The following AP3M1 variants were observed in gnomAD, a reference collection of about 807,000 sequenced individuals.
AP3M1 encodes adaptor related protein complex 3 subunit mu 1.
AP3M1 carries 29 observed loss-of-function variants against 42.6 expected under a neutral mutation model. The observed-to-expected ratio is 0.68, with a 90% CI of 0.51 to 0.93. The LOEUF is 0.93. Among genes scored for constraint, AP3M1 ranks in the 40% least tolerant of loss-of-function variants. The pLI is 0.00. For missense variants in AP3M1, 416 were observed against 510.2 expected (o/e 0.82, Z 1.78); for synonymous variants, 178 against 175.3 (o/e 1.02, Z -0.12).
chr10:74,124,399 GA>G lies in AP3M1; in HGVS notation c.1136del (p.Ile379ThrfsTer9), dbSNP rs1564541785. ...ENPSLNIQFK[I>X]QQLAISGLKV... ...CCTTACCTGAAATAGCAAGCTGCTGGATCTTAAACTGTATGTTGAGGCTCGG... is the reference window on the plus strand; with the variant it reads ...CCTTACCTGAAATAGCAAGCTGCTGGTCTTAAACTGTATGTTGAGGCTCGG... On this transcript the variant is annotated frameshift_variant, in exon 8 of 9. Transcript: ENST00000355264. LOFTEE classifies it high-confidence loss of function. 12 of 1,609,118 alleles carry G rather than the reference GA, an allele frequency of 7.5e-6. No individual in the cohort carries two copies. The highest frequency in any genetic ancestry group is 8.5e-6 in the Non-Finnish European group (10 of 1,178,760).
intron 3 of AP3M1, among the ~76,000 whole-genome samples, chr10:74,134,574 A>G (rs535082606): frequency 6.6e-6 from 1 of 152,362 alleles, no homozygotes; most frequent in South Asian, 2.1e-4. Context: ...TTTATTTTAC[A>G]TGAGATGCTG....
intron 4 of AP3M1, among the ~76,000 whole-genome samples, chr10:74,130,972 C>A (rs1286064053): frequency 6.6e-6 from 1 of 151,612 alleles, no homozygotes; most frequent in Non-Finnish European, 1.5e-5. Context: ...ATTAGCCAGG[C>A]GTGGTGGTGT....
At chr10:74,126,411 G>A in intron 6 of AP3M1, 56 bp from the exon 7 acceptor site, 1 of 1,404,822 alleles carries the variant, frequency 7.1e-7, no homozygotes, top group Admixed American at 1.8e-5. Flanking sequence ...ATGGTGTGGG[G>A]AGAGCTCCAG....
intron 1 of AP3M1, among the ~76,000 whole-genome samples, chr10:74,149,841 A>G (rs1841488329): frequency 1.3e-5 from 2 of 152,120 alleles, no homozygotes; most frequent in African/African-American, 4.8e-5. Context: ...GCCACTCTCA[A>G]TAATCTTGCT....
chr10:74,146,386 T>C (rs1338289368), intron 1 of AP3M1, among the ~76,000 whole-genome samples: 1 of 152,224 alleles, frequency 6.6e-6, no homozygotes, highest in Non-Finnish European at 1.5e-5. Context: ...AGAAAGATCA[T>C]ACTAATTACA....
intron 4 of AP3M1, among the ~76,000 whole-genome samples, chr10:74,133,338 G>A (rs997978285): frequency 3.3e-5 from 5 of 151,486 alleles, no homozygotes; most frequent in African/African-American, 1.2e-4. Context: ...AGGTTGCGGT[G>A]AGCTGAGATT....
intron 1 of AP3M1, among the ~76,000 whole-genome samples, chr10:74,147,843 A>T (rs1403868902): frequency 6.6e-6 from 1 of 152,086 alleles, no homozygotes; most frequent in Non-Finnish European, 1.5e-5. Flanking sequence ...TACTAAAAAT[A>T]CAAAAGTTAG....
intron 8 of AP3M1, 62 bp downstream of exon 8, chr10:74,124,318 T>C (rs1386835720): frequency 6.5e-7 from 1 of 1,548,970 alleles, no homozygotes; most frequent in African/African-American, 1.4e-5. Context: ...CTCTTCTAAA[T>C]GCCTAATAAA....
At chr10:74,130,670 TG>T (rs1338157246) in intron 4 of AP3M1, among the ~76,000 whole-genome samples, 1 of 152,122 alleles carries the variant, frequency 6.6e-6, no homozygotes, top group East Asian at 1.9e-4. Context: ...CTCAAACTTC[TG>T]GGCTCAAGCA....
intron 5 of AP3M1, among the ~76,000 whole-genome samples, 186 bp from the exon 6 acceptor site, chr10:74,129,427 T>A (rs1840709757): frequency 6.6e-6 from 1 of 152,198 alleles, no homozygotes; most frequent in Non-Finnish European, 1.5e-5. Flanking sequence ...ATTATTTTAT[T>A]TGAATTTCAA....
chr10:74,126,187 T>TG lies in AP3M1; in HGVS notation c.971dup (p.Pro325ThrfsTer9). 6.2e-7 allele frequency: 1 copy of TG among 1,614,150 alleles called. No individual in the cohort carries two copies. The highest frequency in any genetic ancestry group is 8.5e-7 in the Non-Finnish European group (1 of 1,180,028). Reference sequence around the variant, plus strand: ...CAAATGTATAGCTGCCTTGTGTGGGTGTCAGGTTCATGTTCAGCACAACTT... The same window carrying TG: ...CAAATGTATAGCTGCCTTGTGTGGGTGGTCAGGTTCATGTTCAGCACAACTT... On this transcript the variant is annotated frameshift_variant, in exon 7 of 9. Transcript: ENST00000355264. LOFTEE classifies it high-confidence loss of function.
Position 74,138,218 on chromosome 10 carries a change from G to C in AP3M1, c.162C>G (p.His54Gln), listed in dbSNP as rs1447904227. The C allele has an allele frequency of 6.2e-7, 1 of 1,614,078 alleles. No individual in the cohort carries two copies. Among genetic ancestry groups the C allele is most frequent in the African/African-American group, 1.3e-5 (1 of 74,942 alleles). ...TATCCCGGTAGATACTGATGAGGTAGTGGTGAGGTGTTGAAATGACAGGTG... is the reference window on the plus strand; with the variant it reads ...TATCCCGGTAGATACTGATGAGGTACTGGTGAGGTGTTGAAATGACAGGTG... ...NVPPVISTPH[H>Q]YLISIYRDKL... is the part of the protein sequence containing the mutation. The change falls in exon 2 of 9, where the codon CAC becomes CAG. Residue 54 changes from histidine to glutamine, a missense_variant. Coordinates refer to ENST00000355264, the MANE Select transcript of AP3M1 (RefSeq NM_012095.6).
At chr10:74,143,086 C>T (rs912757069) in intron 1 of AP3M1, among the ~76,000 whole-genome samples, 1 of 152,206 alleles carries the variant, frequency 6.6e-6, no homozygotes, top group Non-Finnish European at 1.5e-5. Flanking sequence ...CACAGTGGCT[C>T]ACGCCTGTAA....
intron 7 of AP3M1, 140 bp downstream of exon 7, chr10:74,126,008 C>T: frequency 1.2e-6 from 1 of 815,680 alleles, no homozygotes; most frequent in Non-Finnish European, 2.0e-6. Context: ...GTGGCAGAAG[C>T]ACAGCACAGT....
In AP3M1 at chr10:74,147,397, T is replaced by TTCTC. The variant is rs535707845; in HGVS notation, c.-4+3357_-4+3358insGAGA. On this transcript the variant is annotated intron_variant, in intron 1 of 8. Coordinates refer to ENST00000355264, the MANE Select transcript of AP3M1 (RefSeq NM_012095.6). ...TTTAGACTCCATCTTCTCACCACCC[T>TTCTC]GCCAATCAAATTCCTCACCCATAAA... 1.4e-3 allele frequency among the ~76,000 whole-genome samples: 213 copies of TTCTC among 152,330 alleles called. 1 individual carries two copies. Among genetic ancestry groups the TTCTC allele is most frequent in the South Asian group, 2.5e-3 (12 of 4,826 alleles).
chr10:74,148,298 C>T (rs866684171), intron 1 of AP3M1, among the ~76,000 whole-genome samples: 3 of 152,220 alleles, frequency 2.0e-5, no homozygotes, highest in Middle Eastern at 6.8e-3. Context: ...TACTGAGAGA[C>T]TAGGTCAAAG....
chr10:74,127,189 T>C (rs1404032232), intron 6 of AP3M1, among the ~76,000 whole-genome samples: 1 of 152,082 alleles, frequency 6.6e-6, no homozygotes, highest in Non-Finnish European at 1.5e-5. Context: ...CTGCTGATTT[T>C]TGCAACCAGT....
chr10:74,150,386 C>A (rs1470730252), intron 1 of AP3M1: 1 of 152,722 alleles, frequency 6.5e-6, no homozygotes, highest in Non-Finnish European at 1.5e-5. Flanking sequence ...TCACCCCAGG[C>A]TCTTCCAGGC....
chr10:74,150,167 T>C (rs1340149574), intron 1 of AP3M1, among the ~76,000 whole-genome samples: 1 of 152,174 alleles, frequency 6.6e-6, no homozygotes, highest in Non-Finnish European at 1.5e-5. Context: ...TCAAATTCGA[T>C]AAAACTCAAA....
Sources: allele counts gnomAD v4.1 joint callset (sites outside exome capture counted in the v4.1 genomes callset), GRCh38; gene constraint gnomAD v4.1.1; transcripts MANE v1.5; gene names NCBI Gene and HGNC (gene_info 2026-07-23, HGNC 2026-07-21).